Variants in PIK3AP1 observed in about 807,000 individuals in gnomAD.
The protein encoded by PIK3AP1 is phosphoinositide 3-kinase adapter protein 1.
Under a neutral mutation model 88.1 loss-of-function variants are expected in PIK3AP1, and 21 were observed. That is an observed-to-expected ratio of 0.24 (90% CI 0.17 to 0.34). The LOEUF (loss-of-function observed/expected upper bound fraction) is 0.34. PIK3AP1 is among the 10% of genes least tolerant of loss of function. The pLI, the probability that PIK3AP1 is intolerant of heterozygous loss-of-function variation, is 1.00. For missense variants in PIK3AP1, 828 were observed against 1,035.7 expected, an observed-to-expected ratio of 0.80 and a Z score of 2.75; for synonymous variants, 398 against 400.0, an observed-to-expected ratio of 1.00 and a Z score of 0.06.
In PIK3AP1 at chr10:96,720,442, G is replaced by C. The variant is rs2134301679; in HGVS notation, c.-48C>G. On this transcript the variant is annotated 5_prime_UTR_variant, in exon 1 of 17. Transcript: ENST00000339364. The surrounding 1 kb of genome is among the most constrained non-coding windows in gnomAD (Gnocchi z 4.6). ...CCTGGCTCGCTGCGTGCCCGGGGCC[G>C]GGACCGGGGCCGGCGGCGTCCTGGC... The C allele has an allele frequency of 1.6e-6, 2 of 1,224,780 alleles. No individual in the cohort carries two copies. Among genetic ancestry groups the C allele is most frequent in the East Asian group, 3.2e-5 (1 of 31,006 alleles). The allele number at this position is 1,224,780 out of a possible 1,614,324, so 75.9% of individuals were successfully genotyped here.
intron 8 of PIK3AP1, among the ~76,000 whole-genome samples, chr10:96,631,640 G>A (rs1382224467): frequency 6.6e-6 from 1 of 152,192 alleles, no homozygotes; most frequent in Non-Finnish European, 1.5e-5. Flanking sequence ...TGTAATCCCA[G>A]CAATTTGGGA....
At chr10:96,700,201 C>T (rs189123860) in intron 2 of PIK3AP1, among the ~76,000 whole-genome samples, 2 of 152,278 alleles carry the variant, frequency 1.3e-5, no homozygotes, top group African/African-American at 4.8e-5. Flanking sequence ...GAAAGTGTAA[C>T]GCGAACAGGA....
At chr10:96,663,679 A>C (rs1213563681) in intron 2 of PIK3AP1, among the ~76,000 whole-genome samples, 3 of 151,368 alleles carry the variant, frequency 2.0e-5, no homozygotes, top group Non-Finnish European at 4.4e-5. Flanking sequence ...AATCACAAAC[A>C]GTTTAAAAAT....
At position 96,649,938 on chromosome 10, in the gene PIK3AP1, T is replaced by C. The variant is rs765569411; in HGVS notation, c.989-1083A>G. 3.1e-4 allele frequency among the ~76,000 whole-genome samples: 47 copies of C among 152,160 alleles called. 1 individual carries two copies. Among genetic ancestry groups the C allele is most frequent in the Non-Finnish European group, 4.7e-4 (32 of 68,014 alleles). ...TTGTGTTTGCGGAGCTGGGGACAAA[T>C]CTCTTTTTTCATAAACGTTTATTTT... On this transcript the variant is annotated intron_variant, in intron 6 of 16. Coordinates refer to ENST00000339364, the MANE Select transcript of PIK3AP1 (RefSeq NM_152309.3).
chr10:96,624,938 C>T (rs542352693), intron 10 of PIK3AP1, among the ~76,000 whole-genome samples: 1 of 152,324 alleles, frequency 6.6e-6, no homozygotes, highest in African/African-American at 2.4e-5. Context: ...TTAGGAATTA[C>T]CAGCATATAT....
intron 13 of PIK3AP1, among the ~76,000 whole-genome samples, chr10:96,612,976 ATATATATTTTTTTTTTTTTTTT>A (rs1849147230): frequency 0.017 from 1,007 of 59,196 alleles, 1 homozygote; most frequent in South Asian, 0.026. Context: ...ATATATATAT[ATATATATTTTTTTTTTTTTTTT>A]TTTTTTTTTT....
chr10:96,602,129 C>A, intron 16 of PIK3AP1, 151 bp downstream of exon 16: 1 of 572,436 alleles, frequency 1.7e-6, no homozygotes, highest in Non-Finnish European at 3.0e-6. Flanking sequence ...GTGATCCGCC[C>A]GCCTTGGCCT....
At chr10:96,644,216 C>G (rs539406772) in intron 8 of PIK3AP1, among the ~76,000 whole-genome samples, 37 of 152,320 alleles carry the variant, frequency 2.4e-4, no homozygotes, top group Non-Finnish European at 5.1e-4. Flanking sequence ...CCTAGACATC[C>G]TGCTATGTGT....
At chr10:96,664,600 C>G (rs1843736513) in intron 2 of PIK3AP1, among the ~76,000 whole-genome samples, 1 of 152,006 alleles carries the variant, frequency 6.6e-6, no homozygotes, top group African/African-American at 2.4e-5. Flanking sequence ...TAATTTTGCC[C>G]AAGAGCCCAG....
chr10:96,697,221 G>A (rs1364090088), intron 2 of PIK3AP1, among the ~76,000 whole-genome samples: 1 of 152,148 alleles, frequency 6.6e-6, no homozygotes, highest in Non-Finnish European at 1.5e-5. Context: ...AGCCCACCCC[G>A]AGTGAGTGAC....
At chr10:96,663,625 G>A (rs1415287354) in intron 2 of PIK3AP1, among the ~76,000 whole-genome samples, 7 of 55,758 alleles carry the variant, frequency 1.3e-4, no homozygotes, top group Non-Finnish European at 2.0e-4. Context: ...GTGAGACTCC[G>A]TCAAAAAAAA....
intron 2 of PIK3AP1, among the ~76,000 whole-genome samples, chr10:96,668,228 G>A (rs762768737): frequency 1.3e-5 from 2 of 151,984 alleles, no homozygotes; most frequent in African/African-American, 2.4e-5. Context: ...AAAATTAACC[G>A]CATACACCAA....
chr10:96,706,936 G>C (rs1001487030), intron 2 of PIK3AP1, among the ~76,000 whole-genome samples: 2 of 152,172 alleles, frequency 1.3e-5, no homozygotes, highest in African/African-American at 4.8e-5. Context: ...AAGTTATATT[G>C]AGGCTATAAG....
chr10:96,700,606 G>C (rs1844284713), intron 2 of PIK3AP1, among the ~76,000 whole-genome samples: 1 of 152,188 alleles, frequency 6.6e-6, no homozygotes, highest in Admixed American at 6.5e-5. Context: ...TCAGCAGGGG[G>C]TATTTAAGGA....
chr10:96,622,034 A>G (rs1843091152), intron 11 of PIK3AP1, among the ~76,000 whole-genome samples: 1 of 152,252 alleles, frequency 6.6e-6, no homozygotes, highest in South Asian at 2.1e-4. Context: ...GAGTTTAGCC[A>G]GGATGCTTCT....
At position 96,595,228 on chromosome 10, in the gene PIK3AP1, T is replaced by G; in HGVS notation, c.*349A>C. On this transcript the variant is annotated 3_prime_UTR_variant, in exon 17 of 17. Coordinates refer to ENST00000339364, the MANE Select transcript of PIK3AP1 (RefSeq NM_152309.3). Reference sequence around the variant, plus strand: ...GCAAATACATAAAGACTAATATAAGTGCATTTCAGTAAAATCACTGGTGAA... The same window carrying G: ...GCAAATACATAAAGACTAATATAAGGGCATTTCAGTAAAATCACTGGTGAA... 1 of 276,876 alleles carries G rather than the reference T, an allele frequency of 3.6e-6. No homozygotes were observed. The highest frequency in any genetic ancestry group is 1.2e-3 in the Middle Eastern group (1 of 862). The allele number at this position is 276,876 out of a possible 1,614,324, so 17.2% of individuals were successfully genotyped here. A position where few individuals can be genotyped will look rare whatever the true frequency, so the allele number is the denominator to read the frequency against.
chr10:96,595,322 T>G lies in PIK3AP1; in HGVS notation c.*255A>C, dbSNP rs1345534335. On this transcript the variant is annotated 3_prime_UTR_variant, in exon 17 of 17. Transcript: ENST00000339364. Reference sequence around the variant, plus strand: ...TAGAGGTAAGTATTTCGATTAAGTCTTCATCCTTTTGGCAAACAAGTATAT... The same window carrying G: ...TAGAGGTAAGTATTTCGATTAAGTCGTCATCCTTTTGGCAAACAAGTATAT... The G allele has an allele frequency of 2.1e-6, 1 of 477,498 alleles. No individual in the cohort carries two copies. Among genetic ancestry groups the G allele is most frequent in the South Asian group, 3.4e-5 (1 of 29,556 alleles). The allele number at this position is 477,498 out of a possible 1,614,324, so 29.6% of individuals were successfully genotyped here.
At chr10:96,671,044 A>T (rs1843839058) in intron 2 of PIK3AP1, among the ~76,000 whole-genome samples, 1 of 152,226 alleles carries the variant, frequency 6.6e-6, no homozygotes, top group East Asian at 1.9e-4. Context: ...AATGATTCTG[A>T]AGTAGGCTAT....
intron 2 of PIK3AP1, among the ~76,000 whole-genome samples, chr10:96,693,618 T>A (rs980141647): frequency 6.6e-6 from 1 of 152,236 alleles, no homozygotes; most frequent in African/African-American, 2.4e-5. Context: ...TTCTTGGAAG[T>A]GACATTGCTC....
Sources: allele counts gnomAD v4.1 joint callset (sites outside exome capture counted in the v4.1 genomes callset), GRCh38; gene constraint gnomAD v4.1.1; non-coding constraint Gnocchi (gnomAD v3.1); transcripts MANE v1.5; gene names NCBI Gene and HGNC (gene_info 2026-07-23, HGNC 2026-07-21).